ASIC3: variants seen among roughly 807,000 people sequenced by gnomAD.
ASIC3 encodes acid-sensing ion channel 3.
Under a neutral mutation model 58.6 loss-of-function variants are expected in ASIC3, and 46 were observed. The observed-to-expected ratio is 0.79, with a 90% CI of 0.62 to 1.00. ASIC3 has a LOEUF of 1.00. Among genes scored for constraint, ASIC3 ranks in the 50% least tolerant of loss-of-function variants. The probability of loss-of-function intolerance (pLI) is 0.00; values close to 1 mark genes in which losing one functional copy is unlikely to be tolerated. For missense variants in ASIC3, 770 were observed against 735.0 expected, an observed-to-expected ratio of 1.05 and a Z score of -0.55; for synonymous variants, 336 against 300.2, an observed-to-expected ratio of 1.12 and a Z score of -1.23.
At position 151,052,275 on chromosome 7, in the gene ASIC3, G is replaced by A; in HGVS notation, c.1458+38G>A. On this transcript the variant is annotated intron_variant, in intron 9 of 10. Transcript: ENST00000349064. This position sits in a 1 kb window ranked among gnomAD's most constrained non-coding sequence, Gnocchi z 5.0. ...CTTCTGGAGCCCTTGCCTGCTCCAA[G>A]GGTGCTAGGGCCCACCCCTGAAGCC... 6.2e-7 allele frequency: 1 copy of A among 1,613,756 alleles called. No individual in the cohort carries two copies. The highest frequency in any genetic ancestry group is 8.5e-7 in the Non-Finnish European group (1 of 1,179,938).
Position 151,051,268 on chromosome 7 carries a change from C to G in ASIC3, c.1163C>G (p.Ala388Gly), listed in dbSNP as rs933099289. The G allele has an allele frequency of 2.0e-5, 30 of 1,530,768 alleles. No homozygotes were observed. The highest frequency in any genetic ancestry group is 4.0e-5 in the Admixed American group (2 of 50,540). 94.8% of individuals were successfully genotyped at this position (1,530,768 alleles called of 1,614,324 possible). The change falls in exon 6 of 11, where the codon GCC (alanine) becomes GGC (glycine). Residue 388 changes from alanine (A) to glycine (G), a missense_variant. Coordinates refer to ENST00000349064, the MANE Select transcript of ASIC3 (RefSeq NM_004769.4). ...ELSMVRIPSRAAARFLARKLN... is the reference protein window; with the variant it reads ...ELSMVRIPSRGAARFLARKLN... ...TCCATGGTGCGGATCCCGAGCCGCG[C>G]CGCCGCGCGCTTCCTGGCCCGGAAG...
In ASIC3 at chr7:151,051,156, G is replaced by A; in HGVS notation, c.1067-16G>A. 1.3e-6 allele frequency: 2 copies of A among 1,594,936 alleles called. No individual in the cohort carries two copies. Among genetic ancestry groups the A allele is most frequent in the Non-Finnish European group, 1.7e-6 (2 of 1,175,204 alleles). The stretch of plus-strand genomic sequence containing the variant: ...GCTCCGCCCGCGGGCGTCTGACGCG[G>A]CCCGGTGGCCCGCAGATGCCATGCT... On this transcript the variant is annotated splice_polypyrimidine_tract_variant and intron_variant, in intron 5 of 10. Coordinates refer to ENST00000349064, the MANE Select transcript of ASIC3 (RefSeq NM_004769.4).
At chr7:151,051,423 G>T (rs950958533) in intron 6 of ASIC3, 104 bp downstream of exon 6, 6 of 1,324,110 alleles carry the variant, frequency 4.5e-6, no homozygotes, top group Non-Finnish European at 4.9e-6. Flanking sequence ...CCGGGCGGAG[G>T]CAGCCTCCGC....
chr7:151,048,746 A>C lies in ASIC3; in HGVS notation c.-140A>C. On this transcript the variant is annotated 5_prime_UTR_variant, in exon 1 of 11. Transcript: ENST00000349064. ...CCAGGCTAGTGCCTCCCTGCCTTCC[A>C]ACCTTGGCTGTCTCCCACCCTCTCT... 9.2e-7 allele frequency: 1 copy of C among 1,085,532 alleles called. No individual in the cohort carries two copies. The highest frequency in any genetic ancestry group is 1.3e-6 in the Non-Finnish European group (1 of 753,866). The allele number at this position is 1,085,532 out of a possible 1,614,324, so 67.2% of individuals were successfully genotyped here.
upstream of ASIC3, chr7:151,048,494 G>C (rs944717532): frequency 9.2e-6 from 2 of 216,400 alleles, no homozygotes; most frequent in East Asian, 2.0e-4. Context: ...AGACTGCTCT[G>C]TCGGCCCCCT....
chr7:151,051,483 C>G (rs1423402967), intron 6 of ASIC3, among the ~76,000 whole-genome samples, 164 bp downstream of exon 6: 6 of 151,642 alleles, frequency 4.0e-5, no homozygotes, highest in Non-Finnish European at 8.8e-5. Flanking sequence ...CTTTCTGGCC[C>G]CGGGGGATGC....
In ASIC3 at chr7:151,048,748, C is replaced by T. The variant is rs1377772341; in HGVS notation, c.-138C>T. 6.3e-6 allele frequency: 7 copies of T among 1,106,258 alleles called. No individual in the cohort carries two copies. The highest frequency in any genetic ancestry group is 2.4e-5 in the East Asian group (1 of 41,900). The allele number at this position is 1,106,258 out of a possible 1,614,324, so 68.5% of individuals were successfully genotyped here. The stretch of plus-strand genomic sequence containing the variant: ...AGGCTAGTGCCTCCCTGCCTTCCAA[C>T]CTTGGCTGTCTCCCACCCTCTCTTC... On this transcript the variant is annotated 5_prime_UTR_variant, in exon 1 of 11. Coordinates refer to ENST00000349064, the MANE Select transcript of ASIC3 (RefSeq NM_004769.4).
chr7:151,050,579 C>G lies in ASIC3; in HGVS notation c.784C>G (p.Gln262Glu). Residue 262 changes from glutamine to glutamate, a missense_variant, in exon 3 of 11, where the codon CAG becomes GAG. By Grantham distance (29) the Gln-to-Glu change is conservative (BLOSUM62 2). Coordinates refer to ENST00000349064, the MANE Select transcript of ASIC3 (RefSeq NM_004769.4). ...GGGCTTGGGGGTGTCCCCGGGCTAC[C>G]AGACCTTTGTTTCTTGCCAGCAGCA... The part of the protein sequence containing the change: ...QLGLGVSPGY[Q>E]TFVSCQQQQL... 6.2e-7 allele frequency: 1 copy of G among 1,614,066 alleles called. No homozygotes were observed. Among genetic ancestry groups the G allele is most frequent in the South Asian group, 1.1e-5 (1 of 91,088 alleles).
In ASIC3 at chr7:151,051,256, TCCCGAGCCGCGCCGCCGCGCGCTTCCTGG is replaced by T. The variant is rs1796771226; in HGVS notation, c.1156_1184del (p.Ser386GlufsTer21). The T allele has an allele frequency of 1.3e-6, 2 of 1,540,798 alleles. No individual in the cohort carries two copies. Among genetic ancestry groups the T allele is most frequent in the African/African-American group, 2.8e-5 (2 of 71,894 alleles). Reference sequence around the variant, plus strand: ...GCCAAGGAGCTCTCCATGGTGCGGATCCCGAGCCGCGCCGCCGCGCGCTTCCTGGCCCGGAAGCTCAACCGCAGCGAGGC... The same window carrying T: ...GCCAAGGAGCTCTCCATGGTGCGGATCCCGGAAGCTCAACCGCAGCGAGGC... On this transcript the variant is annotated frameshift_variant, in exon 6 of 11. Transcript: ENST00000349064. LOFTEE classifies it high-confidence loss of function.
At chr7:151,051,536 T>A (rs1456132520) in intron 6 of ASIC3, among the ~76,000 whole-genome samples, 1 of 150,966 alleles carries the variant, frequency 6.6e-6, no homozygotes, top group Non-Finnish European at 1.5e-5. Flanking sequence ...CCTTTCCTTT[T>A]ATTTTTTAAT....
Position 151,052,549 on chromosome 7 carries a change from C to T in ASIC3, c.1518-25C>T, listed in dbSNP as rs745498469. On this transcript the variant is annotated intron_variant, in intron 10 of 10. Transcript: ENST00000349064. The surrounding 1 kb of genome is among the most constrained non-coding windows in gnomAD (Gnocchi z 5.0). ...GGACAGTGGGTGTGCCCGTTCCCAC[C>T]CCAGCACTCTGCTCTGTTCCGAAGA... 8 of 1,613,756 alleles carry T rather than the reference C, an allele frequency of 5.0e-6. No homozygotes were observed. The highest frequency in any genetic ancestry group is 1.7e-5 in the Admixed American group (1 of 59,988).
At position 151,052,487 on chromosome 7, in the gene ASIC3, G is replaced by A. The variant is rs775017528; in HGVS notation, c.1517+13G>A. On this transcript the variant is annotated intron_variant, in intron 10 of 10. Coordinates refer to ENST00000349064, the MANE Select transcript of ASIC3 (RefSeq NM_004769.4). The surrounding 1 kb of genome is among the most constrained non-coding windows in gnomAD (Gnocchi z 5.0). ...GCCTGGGCCCCAGGTAACACATAATGGCCCCCTAAAATCAAGGGAGGGCAG... is the reference window on the plus strand; with the variant it reads ...GCCTGGGCCCCAGGTAACACATAATAGCCCCCTAAAATCAAGGGAGGGCAG... 30 of 1,613,992 alleles carry A rather than the reference G, an allele frequency of 1.9e-5. No homozygotes were observed. The South Asian group carries it at 3.2e-4, about 17-fold the overall frequency.
chr7:151,051,261 AGCCGC>A lies in ASIC3; in HGVS notation c.1162_1166del (p.Ala388ArgfsTer27), dbSNP rs1260493281. 2 of 1,536,312 alleles carry A rather than the reference AGCCGC, an allele frequency of 1.3e-6. No homozygotes were observed. The highest frequency in any genetic ancestry group is 3.9e-5 in the Admixed American group (2 of 51,240). On this transcript the variant is annotated frameshift_variant, in exon 6 of 11. Transcript: ENST00000349064. LOFTEE classifies it high-confidence loss of function. The stretch of plus-strand genomic sequence containing the variant: ...GGAGCTCTCCATGGTGCGGATCCCG[AGCCGC>A]GCCGCCGCGCGCTTCCTGGCCCGGA...
Position 151,050,908 on chromosome 7 carries a change from C to T in ASIC3, c.964C>T (p.Arg322Cys), listed in dbSNP as rs1020998630. ...GGGGTGTCGCCTGGCCTGCGAAACC[C>T]GCTACGTGGCTCGGAAGTGCGGCTG... ...LMGCRLACET[R>C]YVARKCGCRM... Residue 322 changes from arginine to cysteine, a missense_variant, in exon 4 of 11, where the codon CGC becomes TGC. Coordinates refer to ENST00000349064, the MANE Select transcript of ASIC3 (RefSeq NM_004769.4). 5.6e-6 allele frequency: 9 copies of T among 1,613,444 alleles called. No individual in the cohort carries two copies. Among genetic ancestry groups the T allele is most frequent in the African/African-American group, 5.3e-5 (4 of 74,946 alleles).
In ASIC3 at chr7:151,050,801, C is replaced by G; in HGVS notation, c.857C>G (p.Ser286Cys). Residue 286 changes from serine to cysteine, a missense_variant, in exon 4 of 11, where the codon TCT becomes TGT. Coordinates refer to ENST00000349064, the MANE Select transcript of ASIC3 (RefSeq NM_004769.4). ...CCCTGGGGCGATTGCAGTTCAGCAT[C>G]TCTGAACCCCAACTATGAGCCAGAG... is the stretch of plus-strand genomic sequence containing the variant. ...PPPWGDCSSASLNPNYEPEPS... is the reference protein window; with the variant it reads ...PPPWGDCSSACLNPNYEPEPS... 5 of 1,613,906 alleles carry G rather than the reference C, an allele frequency of 3.1e-6. No homozygotes were observed. The highest frequency in any genetic ancestry group is 4.2e-6 in the Non-Finnish European group (5 of 1,179,920).
chr7:151,051,439 C>T lies in ASIC3; in HGVS notation c.1214+120C>T, dbSNP rs1404382815. ...CGGGCGGAGGCAGCCTCCGCAGCCT[C>T]ACTGGCTCTGGGGCTCCGTGCTGGT... On this transcript the variant is annotated intron_variant, in intron 6 of 10. Coordinates refer to ENST00000349064, the MANE Select transcript of ASIC3 (RefSeq NM_004769.4). 9.4e-6 allele frequency: 12 copies of T among 1,276,916 alleles called. No homozygotes were observed. In the Admixed American group the frequency reaches 3.9e-4, roughly 41 times the overall value. 79.1% of individuals were successfully genotyped at this position (1,276,916 alleles called of 1,614,324 possible).
intron 1 of ASIC3, 159 bp from the exon 2 acceptor site, chr7:151,049,947 T>C: frequency 3.3e-6 from 3 of 912,128 alleles, no homozygotes; most frequent in Non-Finnish European, 5.0e-6. Flanking sequence ...CCCAAGAGCG[T>C]CCTGCAACAT....
At position 151,048,800 on chromosome 7, in the gene ASIC3, C is replaced by T. The variant is rs1796688262; in HGVS notation, c.-86C>T. 8.1e-6 allele frequency: 12 copies of T among 1,475,740 alleles called. No individual in the cohort carries two copies. Among genetic ancestry groups the T allele is most frequent in the East Asian group, 2.3e-5 (1 of 43,664 alleles). The allele number at this position is 1,475,740 out of a possible 1,614,324, so 91.4% of individuals were successfully genotyped here. On this transcript the variant is annotated 5_prime_UTR_variant, in exon 1 of 11. Coordinates refer to ENST00000349064, the MANE Select transcript of ASIC3 (RefSeq NM_004769.4). ...CCTCTCCTTGCCTGGCCTCCTGAAT[C>T]CTATCTTAGCCTCCTTAGCCCCCTG... is the stretch of plus-strand genomic sequence containing the variant.
rs1360708972 is a variant in ASIC3 at position 151,049,106 on chromosome 7, C to T, written c.221C>T (p.Thr74Ile). The T allele has an allele frequency of 2.0e-5, 32 of 1,613,822 alleles. No individual in the cohort carries two copies. The highest frequency in any genetic ancestry group is 2.6e-5 in the Non-Finnish European group (31 of 1,179,940). Reference protein sequence around the residue: ...VRYYREFHHQTALDERESHRL... With the variant: ...VRYYREFHHQIALDERESHRL... The stretch of plus-strand genomic sequence containing the variant: ...TACTACAGGGAGTTCCACCACCAGA[C>T]TGCCCTGGATGAGCGAGAAAGCCAC... Residue 74 changes from threonine (T) to isoleucine (I), a missense_variant, in exon 1 of 11, where the codon ACT becomes ATT. Coordinates refer to ENST00000349064, the MANE Select transcript of ASIC3 (RefSeq NM_004769.4).
Sources: gnomAD v4.1 joint callset for allele counts (sites outside exome capture counted in the v4.1 genomes callset) on GRCh38, gnomAD v4.1.1 for gene constraint, Gnocchi (gnomAD v3.1) non-coding constraint, MANE v1.5 for transcripts, NCBI Gene and HGNC (gene_info 2026-07-23, HGNC 2026-07-21) for gene names.